PCDH15: variants seen among roughly 807,000 people sequenced by gnomAD.
The protein encoded by PCDH15 is protocadherin related 15.
In PCDH15, 129 loss-of-function variants were observed where a neutral mutation model predicts 178.5. The observed-to-expected ratio is 0.72, with a 90% confidence interval of 0.63 to 0.84. The LOEUF is 0.84. Among genes scored for constraint, PCDH15 ranks in the 40% least tolerant of loss-of-function variants. The pLI is 0.00. For synonymous variants in PCDH15, 800 were observed against 732.0 expected, an observed-to-expected ratio of 1.09 and a Z score of -1.50; for missense variants, 2,230 against 2,099.9, an observed-to-expected ratio of 1.06 and a Z score of -1.21.
At chr10:55,257,473 GA>G (rs34241293) in intron 1 of PCDH15, among the ~76,000 whole-genome samples, 8 of 151,746 alleles carry the variant, frequency 5.3e-5, no homozygotes, top group Admixed American at 2.0e-4. Flanking sequence ...TAAAAACCTT[GA>G]AAAAAAATTA....
At chr10:54,916,301 C>A (rs1261121176) in intron 2 of PCDH15, among the ~76,000 whole-genome samples, 1 of 152,164 alleles carries the variant, frequency 6.6e-6, no homozygotes, top group Non-Finnish European at 1.5e-5. Context: ...TTTGTTGTCT[C>A]CCCAAGGTGC....
At position 54,528,328 on chromosome 10, in the gene PCDH15, A is replaced by T. The variant is rs1565512555; in HGVS notation, c.92-451T>A. On this transcript the variant is annotated intron_variant, in intron 2 of 37. Coordinates refer to ENST00000644397, the MANE Select transcript of PCDH15 (RefSeq NM_001384140.1). ...TTAATAATGTTCTAAAGAGAATAAA[A>T]CAAAGACAGACAAGCAATGCTCATG... 6.8e-6 allele frequency: 10 copies of T among 1,465,664 alleles called. No homozygotes were observed. The South Asian group carries it at 1.2e-4, about 18-fold the overall frequency. The allele number at this position is 1,465,664 out of a possible 1,614,324, so 90.8% of individuals were successfully genotyped here. A position where few individuals can be genotyped will look rare whatever the true frequency, so the allele number is the denominator to read the frequency against.
chr10:54,631,194 G>A (rs2093691503), intron 2 of PCDH15, among the ~76,000 whole-genome samples: 1 of 152,032 alleles, frequency 6.6e-6, no homozygotes, highest in Admixed American at 6.6e-5. Flanking sequence ...CATTTAAAAT[G>A]TGTGGCACTT....
At chr10:55,280,444 ATTTTTTTTTTT>A (rs1170034467) in intron 1 of PCDH15, among the ~76,000 whole-genome samples, 6 of 92,082 alleles carry the variant, frequency 6.5e-5, no homozygotes, top group Non-Finnish European at 8.7e-5. Flanking sequence ...GCACCCAGCT[ATTTTTTTTTTT>A]TTTTTTTTTT....
chr10:55,471,885 C>A (rs1296878856), intron 2 of PCDH15, among the ~76,000 whole-genome samples: 1 of 152,136 alleles, frequency 6.6e-6, no homozygotes, highest in African/African-American at 2.4e-5. Context: ...GGGGATCTTG[C>A]CCATTTCAAA....
intron 2 of PCDH15, among the ~76,000 whole-genome samples, chr10:54,929,487 T>A (rs1306250843): frequency 6.6e-6 from 1 of 152,220 alleles, no homozygotes; most frequent in African/African-American, 2.4e-5. Flanking sequence ...ACATTACTAT[T>A]AATCATATAG....
chr10:54,707,627 AT>A (rs1174515903), intron 1 of PCDH15, among the ~76,000 whole-genome samples: 18 of 152,324 alleles, frequency 1.2e-4, no homozygotes, highest in African/African-American at 3.6e-4. Flanking sequence ...TGAAGCCTGC[AT>A]TTATTTCAAA....
At chr10:54,451,172 A>G (rs1282079722) in intron 3 of PCDH15, among the ~76,000 whole-genome samples, 5 of 151,918 alleles carry the variant, frequency 3.3e-5, no homozygotes, top group African/African-American at 1.2e-4. Flanking sequence ...GCATTAAATC[A>G]GGTGTGATAA....
chr10:55,507,365 TAC>T (rs558215015), intron 2 of PCDH15, among the ~76,000 whole-genome samples: 135 of 150,600 alleles, frequency 9.0e-4, no homozygotes, highest in South Asian at 5.4e-3. Context: ...CACACACACA[TAC>T]ACATACACAA....
chr10:55,035,253 C>T (rs2131970633), intron 2 of PCDH15, among the ~76,000 whole-genome samples: 1 of 152,220 alleles, frequency 6.6e-6, no homozygotes, highest in South Asian at 2.1e-4. Flanking sequence ...ATTCTTATAG[C>T]ATTATTTTTG....
chr10:55,093,834 A>G (rs1157052833), intron 2 of PCDH15, among the ~76,000 whole-genome samples: 6 of 152,144 alleles, frequency 3.9e-5, no homozygotes, highest in South Asian at 2.1e-4. Context: ...AATCAAAACC[A>G]CAATGAGATA....
chr10:54,743,668 T>C (rs1199297272), intron 1 of PCDH15, among the ~76,000 whole-genome samples: 1 of 152,032 alleles, frequency 6.6e-6, no homozygotes, highest in Non-Finnish European at 1.5e-5. Flanking sequence ...GATGAATATA[T>C]AGTTTCCAAC....
intron 2 of PCDH15, among the ~76,000 whole-genome samples, chr10:55,546,419 G>A (rs868419074): frequency 6.6e-6 from 1 of 151,968 alleles, no homozygotes; most frequent in African/African-American, 2.4e-5. Flanking sequence ...TGTTTTTAAC[G>A]AGTATATATA....
At chr10:54,836,649 C>A (rs949352197) in intron 3 of PCDH15, among the ~76,000 whole-genome samples, 2 of 151,904 alleles carry the variant, frequency 1.3e-5, no homozygotes, top group South Asian at 2.1e-4. Context: ...AAGATATAAT[C>A]TCACTAGCAT....
chr10:55,445,248 T>C (rs1004517889), intron 2 of PCDH15, among the ~76,000 whole-genome samples: 1 of 152,178 alleles, frequency 6.6e-6, no homozygotes, highest in Non-Finnish European at 1.5e-5. Flanking sequence ...CCTAGACTGG[T>C]GTTTGAACAC....
intron 20 of PCDH15, among the ~76,000 whole-genome samples, chr10:54,010,838 C>A (rs538574688): frequency 6.6e-6 from 1 of 152,178 alleles, no homozygotes; most frequent in Admixed American, 6.5e-5. Context: ...GAGCACGGAA[C>A]AGCCACCCCA....
chr10:53,992,800 C>T (rs1254689741), intron 21 of PCDH15, among the ~76,000 whole-genome samples: 2 of 152,120 alleles, frequency 1.3e-5, no homozygotes, highest in Non-Finnish European at 2.9e-5. Flanking sequence ...GTCACGAAAG[C>T]ACGGTAGAAA....
At chr10:54,794,071 G>T (rs553308045) in intron 1 of PCDH15, among the ~76,000 whole-genome samples, 5 of 145,136 alleles carry the variant, frequency 3.4e-5, no homozygotes, top group East Asian at 2.0e-4. Flanking sequence ...ACTGCTTTGA[G>T]ATATATATAT....
chr10:54,054,843 T>C (rs1001932143), intron 18 of PCDH15, among the ~76,000 whole-genome samples: 1 of 152,148 alleles, frequency 6.6e-6, no homozygotes, highest in African/African-American at 2.4e-5. Flanking sequence ...CAGAATGAGT[T>C]ACAGGGTTTG....
Sources: allele counts gnomAD v4.1 joint callset (sites outside exome capture counted in the v4.1 genomes callset), GRCh38; gene constraint gnomAD v4.1.1; transcripts MANE v1.5; gene names NCBI Gene and HGNC (gene_info 2026-07-23, HGNC 2026-07-21).